Variants in RETREG2 observed in about 807,000 individuals in gnomAD.
The protein encoded by RETREG2 is reticulophagy regulator 2.
A neutral mutation model predicts 51.6 loss-of-function variants in RETREG2; 21 were observed. The ratio of observed to expected loss-of-function variants is 0.41; its 90% CI spans 0.29 to 0.59. The LOEUF (loss-of-function observed/expected upper bound fraction) is 0.59, where lower values mean the gene tolerates loss of function less well. RETREG2 is among the 20% of genes least tolerant of loss of function. The pLI is 0.34. For synonymous variants in RETREG2, 339 were observed against 288.6 expected (o/e 1.17, Z -1.77); for missense variants, 674 against 646.0 (o/e 1.04, Z -0.47).
chr2:219,178,586 G>T lies in RETREG2; in HGVS notation c.234G>T (p.Lys78Asn), dbSNP rs1420752637. 2.0e-6 allele frequency: 3 copies of T among 1,464,508 alleles called. No individual in the cohort carries two copies. The highest frequency in any genetic ancestry group is 3.0e-5 in the African/African-American group (2 of 67,526). The allele number at this position is 1,464,508 out of a possible 1,614,324, so 90.7% of individuals were successfully genotyped here. ...AAAQRLLVWEKPLHSLVTAAA... is the reference protein window; with the variant it reads ...AAAQRLLVWENPLHSLVTAAA... ...CGCAGCGGTTGCTGGTGTGGGAGAA[G>T]CCGCTGCACAGCCTGGTCACGGCGG... Residue 78 changes from lysine (K) to asparagine (N), a missense_variant, in exon 1 of 9, where the codon AAG becomes AAT. By Grantham distance (94) the Lys-to-Asn change is moderately conservative (BLOSUM62 0). Transcript: ENST00000430297.
chr2:219,180,635 G>C (rs1950264870), intron 4 of RETREG2, 35 bp from the exon 5 acceptor site: 1 of 1,613,952 alleles, frequency 6.2e-7, no homozygotes, highest in Admixed American at 1.7e-5. Flanking sequence ...GCATATCTCA[G>C]CGTGATGTTC....
Position 219,184,830 on chromosome 2 carries a change from T to G in RETREG2, c.*2201T>G, listed in dbSNP as rs1284728384. ...TGGTTTTTTGTTTTTTGTGGGTTTT[T>G]TTTTTTTTTTTTTTGAGACGGAGTC... On this transcript the variant is annotated 3_prime_UTR_variant, in exon 9 of 9. Coordinates refer to ENST00000430297, the MANE Select transcript of RETREG2 (RefSeq NM_024293.6). The G allele has an allele frequency of 7.5e-6, 1 of 134,156 alleles. No individual in the cohort carries two copies. The highest frequency in any genetic ancestry group is 7.5e-5 in the Admixed American group (1 of 13,386). The allele number at this position is 134,156 out of a possible 1,614,324, so 8.3% of individuals were successfully genotyped here.
chr2:219,181,648 G>A lies in RETREG2; in HGVS notation c.888G>A (p.Val296=). Residue 296 remains valine, a synonymous_variant, in exon 8 of 9, where the codon GTG becomes GTA. Transcript: ENST00000430297. ...ELAGFSPVVD[V]KKTALALAIT... ...CCTGGTTCTCCTGCCAGGTGGATGT[G>A]AAGAAAACAGCATTGGCCTTGGCCA... 1.2e-6 allele frequency: 2 copies of A among 1,614,014 alleles called. No homozygotes were observed. Among genetic ancestry groups the A allele is most frequent in the Non-Finnish European group, 1.7e-6 (2 of 1,179,900 alleles).
intron 3 of RETREG2, 87 bp downstream of exon 3, chr2:219,179,850 C>G (rs1559220423): frequency 3.5e-6 from 5 of 1,432,958 alleles, no homozygotes; most frequent in Non-Finnish European, 3.0e-6. Flanking sequence ...GGGCAGTGCC[C>G]CAGCATTGTG....
rs771570815 is a variant in RETREG2, at chr2:219,182,316, G to T, written c.1319G>T (p.Gly440Val). The change falls in exon 9 of 9, where the codon GGT becomes GTT. Residue 440 changes from glycine (G) to valine (V), a missense_variant. Transcript: ENST00000430297. ...ACACTGAGCCCCGAGACAGTGAGTG[G>T]TGGCCTCACTGCTCTGCCCGGCACC... ...VETLSPETVS[G>V]GLTALPGTLS... 3.7e-6 allele frequency: 6 copies of T among 1,613,970 alleles called. No individual in the cohort carries two copies. In the African/African-American group the frequency reaches 6.7e-5, roughly 18 times the overall value.
At chr2:219,180,845 C>A in intron 5 of RETREG2, 91 bp downstream of exon 5, 1 of 1,468,758 alleles carries the variant, frequency 6.8e-7, no homozygotes, top group South Asian at 1.2e-5. Context: ...TCTCTCTGCT[C>A]AGTTTCTGAT....
chr2:219,182,200 C>T lies in RETREG2; in HGVS notation c.1203C>T (p.Leu401=). 1 of 1,614,146 alleles carries T rather than the reference C, an allele frequency of 6.2e-7. No homozygotes were observed. The highest frequency in any genetic ancestry group is 8.5e-7 in the Non-Finnish European group (1 of 1,180,006). The change falls in exon 9 of 9, where the codon CTC becomes CTT. Residue 401 remains leucine, a synonymous_variant. Coordinates refer to ENST00000430297, the MANE Select transcript of RETREG2 (RefSeq NM_024293.6). ...DVAAKETLLR[L]SSPLHFVNTH... ...CAGCTAAGGAAACCTTGTTGCGGCT[C>T]TCATCCCCCCTCCACTTTGTGAACA...
chr2:219,184,507 A>T lies in RETREG2; in HGVS notation c.*1878A>T, dbSNP rs944915895. ...GTAAGAATTTTTCTGTTTGCTTCAC[A>T]TTTGACTGAGAATCATTCTAGGGTT... is the stretch of plus-strand genomic sequence containing the variant. On this transcript the variant is annotated 3_prime_UTR_variant, in exon 9 of 9. Transcript: ENST00000430297. The T allele has an allele frequency of 3.3e-5, 5 of 152,124 alleles. No homozygotes were observed. Among genetic ancestry groups the T allele is most frequent in the Non-Finnish European group, 5.9e-5 (4 of 68,028 alleles). The allele number at this position is 152,124 out of a possible 1,614,324, so 9.4% of individuals were successfully genotyped here.
chr2:219,182,715 GGTGGGGCAGTGT>G lies in RETREG2; in HGVS notation c.*93_*104del. On this transcript the variant is annotated 3_prime_UTR_variant, in exon 9 of 9. Transcript: ENST00000430297. ...TTTCCTCCTTTGCCTACCACTCTGG[GGTGGGGCAGTGT>G]GTGGGGAAGCTGGCTGTCGGATGGT... The G allele has an allele frequency of 6.6e-7, 1 of 1,514,812 alleles. No individual in the cohort carries two copies. Among genetic ancestry groups the G allele is most frequent in the Non-Finnish European group, 8.9e-7 (1 of 1,121,750 alleles). The allele number at this position is 1,514,812 out of a possible 1,614,324, so 93.8% of individuals were successfully genotyped here.
At chr2:219,180,283 GA>G in intron 4 of RETREG2, 38 bp downstream of exon 4, 1 of 1,613,046 alleles carries the variant, frequency 6.2e-7, no homozygotes, top group Non-Finnish European at 8.5e-7. Context: ...TCACTACACT[GA>G]AGGGGAATAG....
chr2:219,182,797 A>G lies in RETREG2; in HGVS notation c.*168A>G. 1.4e-6 allele frequency: 1 copy of G among 717,152 alleles called. No homozygotes were observed. Among genetic ancestry groups the G allele is most frequent in the Non-Finnish European group, 2.3e-6 (1 of 437,658 alleles). The allele number at this position is 717,152 out of a possible 1,614,324, so 44.4% of individuals were successfully genotyped here. ...TGCCTGCCTGCCTGCTGTCCTGGGC[A>G]TGGTGCAGTACCTGTGCCTAGGATT... On this transcript the variant is annotated 3_prime_UTR_variant, in exon 9 of 9. Coordinates refer to ENST00000430297, the MANE Select transcript of RETREG2 (RefSeq NM_024293.6).
rs1415540005 is a variant in RETREG2, at chr2:219,182,402, C to T, written c.1405C>T (p.Pro469Ser). ...DPAPSPSILP[P>S]VPQDSPQPLP... ...AGCCCCCTCCCCTTCCATTCTCCCA[C>T]CTGTTCCCCAGGACTCACCCCAGCC... The change falls in exon 9 of 9, where the codon CCT becomes TCT. Residue 469 changes from proline (P) to serine (S), a missense_variant. Pro to Ser is a moderately conservative substitution (Grantham distance 74, BLOSUM62 -1). Coordinates refer to ENST00000430297, the MANE Select transcript of RETREG2 (RefSeq NM_024293.6). 6.2e-7 allele frequency: 1 copy of T among 1,614,090 alleles called. No individual in the cohort carries two copies. The highest frequency in any genetic ancestry group is 1.7e-5 in the Admixed American group (1 of 60,008).
Position 219,181,395 on chromosome 2 carries a change from G to A in RETREG2, c.811G>A (p.Gly271Arg), listed in dbSNP as rs757315010. The change falls in exon 7 of 9, where the codon GGA becomes AGA. Residue 271 changes from glycine (G) to arginine (R), a missense_variant. Transcript: ENST00000430297. ...GCGTCAGGGGAAGAATGCACCCCCA[G>A]GAGGTGATGAGCCACTGGCAGAGAC... ...RKRQGKNAPP[G>R]GDEPLAETES... 13 of 1,613,970 alleles carry A rather than the reference G, an allele frequency of 8.1e-6. No individual in the cohort carries two copies. Among genetic ancestry groups the A allele is most frequent in the Non-Finnish European group, 1.1e-5 (13 of 1,180,008 alleles).
chr2:219,181,427 T>C lies in RETREG2; in HGVS notation c.843T>C (p.Ser281=). Residue 281 remains serine (S), a synonymous_variant, in exon 7 of 9, where the codon AGT becomes AGC. Transcript: ENST00000430297. ...ATGAGCCACTGGCAGAGACAGAGAG[T>C]GAAAGCGAGGCAGAGCTGGCTGGCT... ...GGDEPLAETE[S]ESEAELAGFS... 6.2e-7 allele frequency: 1 copy of C among 1,613,584 alleles called. No homozygotes were observed. The highest frequency in any genetic ancestry group is 8.5e-7 in the Non-Finnish European group (1 of 1,179,888).
chr2:219,183,043 A>G lies in RETREG2; in HGVS notation c.*414A>G, dbSNP rs1950305407. The G allele has an allele frequency of 5.0e-6, 1 of 200,472 alleles. No individual in the cohort carries two copies. The highest frequency in any genetic ancestry group is 1.0e-5 in the Non-Finnish European group (1 of 95,930). The allele number at this position is 200,472 out of a possible 1,614,324, so 12.4% of individuals were successfully genotyped here. ...CTTGGTTGTTTAGTTGAGGCACTTT[A>G]TAATTTTTCTCTTGTCTTGTGTTCC... On this transcript the variant is annotated 3_prime_UTR_variant, in exon 9 of 9. Transcript: ENST00000430297.
chr2:219,179,872 A>G, intron 3 of RETREG2, 109 bp downstream of exon 3: 2 of 1,318,636 alleles, frequency 1.5e-6, no homozygotes, highest in Non-Finnish European at 2.2e-6. Context: ...ATGAACTGGT[A>G]ACAAGCCATG....
In RETREG2 at chr2:219,182,657, C is replaced by T. The variant is rs1193024018; in HGVS notation, c.*28C>T. The T allele has an allele frequency of 6.2e-7, 1 of 1,607,566 alleles. No homozygotes were observed. Among genetic ancestry groups the T allele is most frequent in the Non-Finnish European group, 8.5e-7 (1 of 1,175,772 alleles). ...CAGCCGTTGAGGAAGGAGCTGCAGGCACAGTAGGGCTTCCTGGCTAGGAGT... is the reference window on the plus strand; with the variant it reads ...CAGCCGTTGAGGAAGGAGCTGCAGGTACAGTAGGGCTTCCTGGCTAGGAGT... On this transcript the variant is annotated 3_prime_UTR_variant, in exon 9 of 9. Transcript: ENST00000430297.
intron 1 of RETREG2, 54 bp from the exon 2 acceptor site, chr2:219,178,868 G>C: frequency 7.5e-7 from 1 of 1,333,736 alleles, no homozygotes; most frequent in Middle Eastern, 1.9e-4. Flanking sequence ...TTCTGAGATG[G>C]ATGCATGAGC....
rs1331691421 is a variant in RETREG2, at chr2:219,183,245, CTGTG to C, written c.*618_*621del. ...AGTTACACTCTTAGGTCACTGTAGT[CTGTG>C]TAACCTTCACTGCATCCTTGCCCCA... is the stretch of plus-strand genomic sequence containing the variant. On this transcript the variant is annotated 3_prime_UTR_variant, in exon 9 of 9. Coordinates refer to ENST00000430297, the MANE Select transcript of RETREG2 (RefSeq NM_024293.6). 6.5e-6 allele frequency: 1 copy of C among 154,936 alleles called. No homozygotes were observed. Among genetic ancestry groups the C allele is most frequent in the Admixed American group, 6.3e-5 (1 of 15,818 alleles). 9.6% of individuals were successfully genotyped at this position (154,936 alleles called of 1,614,324 possible).
Sources: allele counts gnomAD v4.1 joint callset, GRCh38; gene constraint gnomAD v4.1.1; transcripts MANE v1.5; gene names NCBI Gene and HGNC (gene_info 2026-07-23, HGNC 2026-07-21).